The following LAMC1 variants were observed in gnomAD, a reference collection of about 807,000 sequenced individuals.
LAMC1 encodes the protein laminin subunit gamma-1.
In LAMC1, 38 loss-of-function variants were observed where a neutral mutation model predicts 173.6. The observed-to-expected ratio is 0.22, with a 90% CI of 0.17 to 0.29. The LOEUF is 0.29. Among genes scored for constraint, LAMC1 ranks in the 10% least tolerant of loss-of-function variants. The pLI is 1.00. For synonymous variants in LAMC1, 746 were observed against 749.1 expected (o/e 1.00, Z 0.07); for missense variants, 1,824 against 2,051.8 (o/e 0.89, Z 2.14).
intron 1 of LAMC1, among the ~76,000 whole-genome samples, chr1:183,092,539 T>C (rs1571434598): frequency 6.6e-6 from 1 of 152,096 alleles, no homozygotes; most frequent in Admixed American, 6.6e-5. Context: ...GTGATTCTAA[T>C]AGCCAGTCTG....
At chr1:183,058,734 G>T (rs1385813984) in intron 1 of LAMC1, among the ~76,000 whole-genome samples, 2 of 152,196 alleles carry the variant, frequency 1.3e-5, no homozygotes, top group African/African-American at 4.8e-5. Context: ...GGGTGTGGGT[G>T]TGAGTACCTT....
chr1:183,065,818 A>T (rs1654861102), intron 1 of LAMC1, among the ~76,000 whole-genome samples: 1 of 152,226 alleles, frequency 6.6e-6, no homozygotes, highest in Admixed American at 6.5e-5. Context: ...ATGGTATTGA[A>T]AGAGCCAGTG....
chr1:183,090,173 A>C (rs1248711706), intron 1 of LAMC1, among the ~76,000 whole-genome samples: 1 of 152,198 alleles, frequency 6.6e-6, no homozygotes, highest in Non-Finnish European at 1.5e-5. Context: ...TCAATTCTGG[A>C]ATCACAAATA....
At chr1:183,036,477 A>T (rs1384928218) in intron 1 of LAMC1, among the ~76,000 whole-genome samples, 1 of 140,946 alleles carries the variant, frequency 7.1e-6, no homozygotes, top group Non-Finnish European at 1.5e-5. Flanking sequence ...ATCTCGGCAC[A>T]CTGCTACCTC....
At chr1:183,057,993 AGAT>A (rs1295576356) in intron 1 of LAMC1, among the ~76,000 whole-genome samples, 1 of 152,226 alleles carries the variant, frequency 6.6e-6, no homozygotes, top group Non-Finnish European at 1.5e-5. Flanking sequence ...CTTGTTTGAC[AGAT>A]AATAGCAGAC....
At chr1:183,085,201 G>A (rs1247701207) in intron 1 of LAMC1, among the ~76,000 whole-genome samples, 3 of 150,210 alleles carry the variant, frequency 2.0e-5, no homozygotes, top group Admixed American at 1.3e-4. Flanking sequence ...CTGGGCAACA[G>A]AGTGAGACTC....
rs182698620 is a variant in LAMC1 at position 183,112,373 on chromosome 1, G to A, written c.1021+1719G>A. ...TCTGCTTAATAATGTCGTATTTTGA[G>A]TCTATCCAGGAAGTTACTTAAAGAA... On this transcript the variant is annotated intron_variant, in intron 4 of 27. Transcript: ENST00000258341. 7.9e-5 allele frequency among the ~76,000 whole-genome samples: 12 copies of A among 152,286 alleles called. No individual in the cohort carries two copies. The East Asian group carries it at 2.1e-3, about 27-fold the overall frequency.
rs1657081814 is a variant in LAMC1 at position 183,140,435 on chromosome 1, A to G, written c.4505A>G (p.Asn1502Ser). The G allele has an allele frequency of 1.2e-6, 2 of 1,613,738 alleles. No individual in the cohort carries two copies. The highest frequency in any genetic ancestry group is 8.5e-7 in the Non-Finnish European group (1 of 1,179,842). Residue 1502 changes from asparagine (N) to serine (S), a missense_variant, in exon 27 of 28, where the codon AAT becomes AGT. Transcript: ENST00000258341. ...CAGGCTGCTCAAGAAGCCGAGATCA[A>G]TGCCAGAAAAGCCAAAAACTCTGTT... Reference protein sequence around the residue: ...ASQAAQEAEINARKAKNSVTS... With the variant: ...ASQAAQEAEISARKAKNSVTS...
chr1:183,125,657 G>T (rs923076734), intron 15 of LAMC1, 107 bp downstream of exon 15: 5 of 836,750 alleles, frequency 6.0e-6, no homozygotes, highest in Non-Finnish European at 9.2e-6. Flanking sequence ...TTACTGGAGC[G>T]CCTAATGTAG....
At chr1:183,129,065 G>T (rs947826593) in intron 18 of LAMC1, among the ~76,000 whole-genome samples, 1 of 147,792 alleles carries the variant, frequency 6.8e-6, no homozygotes, top group Admixed American at 6.9e-5. Context: ...ATCATTAAAG[G>T]CATGCGTCTT....
chr1:183,109,532 A>G (rs1656082858), intron 3 of LAMC1, among the ~76,000 whole-genome samples: 1 of 152,236 alleles, frequency 6.6e-6, no homozygotes, highest in Non-Finnish European at 1.5e-5. Flanking sequence ...AAGATGAGCT[A>G]AACTGAAGAG....
chr1:183,133,530 T>C lies in LAMC1; in HGVS notation c.3829T>C (p.Leu1277=). The change falls in exon 22 of 28, where the codon TTG becomes CTG. Residue 1277 remains leucine, a synonymous_variant. Coordinates refer to ENST00000258341, the MANE Select transcript of LAMC1 (RefSeq NM_002293.4). ...IYASVAQLSP[L]DSETLENEAN... is the part of the protein sequence containing the mutation. ...TGCCAGCGTGGCTCAGCTGAGCCCTTTGGACTCTGAGACACTGGAGGTATG... is the reference window on the plus strand; with the variant it reads ...TGCCAGCGTGGCTCAGCTGAGCCCTCTGGACTCTGAGACACTGGAGGTATG... 3 of 1,613,044 alleles carry C rather than the reference T, an allele frequency of 1.9e-6. No homozygotes were observed. Among genetic ancestry groups the C allele is most frequent in the Non-Finnish European group, 2.5e-6 (3 of 1,179,394 alleles).
At chr1:183,101,261 G>A (rs1214871500) in intron 1 of LAMC1, among the ~76,000 whole-genome samples, 3 of 151,962 alleles carry the variant, frequency 2.0e-5, no homozygotes, top group South Asian at 2.1e-4. Context: ...TAACCATTCT[G>A]TAATGTCTTA....
At chr1:183,108,077 CAAATT>C (rs1392107418) in intron 2 of LAMC1, among the ~76,000 whole-genome samples, 194 bp from the exon 3 acceptor site, 3 of 151,534 alleles carry the variant, frequency 2.0e-5, no homozygotes, top group African/African-American at 7.3e-5. Context: ...AGTAAAGTAA[CAAATT>C]AAAGAAGGGA....
chr1:183,063,145 A>T (rs1291501340), intron 1 of LAMC1, among the ~76,000 whole-genome samples: 1 of 152,200 alleles, frequency 6.6e-6, no homozygotes. Flanking sequence ...TACTTTGAAC[A>T]GTCAAAAAAG....
chr1:183,138,269 T>C (rs1657003900), intron 26 of LAMC1: 4 of 810,362 alleles, frequency 4.9e-6, no homozygotes, highest in Non-Finnish European at 6.0e-6. Flanking sequence ...CCAAAACATA[T>C]GAAACTTACA....
chr1:183,119,165 G>A (rs1291617513), intron 11 of LAMC1, among the ~76,000 whole-genome samples: 1 of 152,040 alleles, frequency 6.6e-6, no homozygotes, highest in Non-Finnish European at 1.5e-5. Context: ...CCAAAGTGCT[G>A]GGATTACAGG....
intron 1 of LAMC1, among the ~76,000 whole-genome samples, chr1:183,024,407 C>T (rs919243592): frequency 1.3e-5 from 2 of 152,218 alleles, no homozygotes; most frequent in African/African-American, 2.4e-5. Context: ...TTCTGCATTT[C>T]GGCTGTTAGG....
chr1:183,024,158 C>T (rs1218898214), intron 1 of LAMC1, 24 bp downstream of exon 1: 4 of 1,520,820 alleles, frequency 2.6e-6, no homozygotes, highest in Admixed American at 4.0e-5. Context: ...GCCCCGTCCC[C>T]TGCTACTGCT....
Sources: gnomAD v4.1 joint callset for allele counts (sites outside exome capture counted in the v4.1 genomes callset) on GRCh38, gnomAD v4.1.1 for gene constraint, MANE v1.5 for transcripts, NCBI Gene and HGNC (gene_info 2026-07-23, HGNC 2026-07-21) for gene names.